RWDD4: variants seen among roughly 807,000 people sequenced by gnomAD.
The protein encoded by RWDD4 is RWD domain containing 4, also known as RWD domain-containing protein 4.
Under a neutral mutation model 30.0 loss-of-function variants are expected in RWDD4, and 16 were observed. The observed-to-expected ratio is 0.53, with a 90% CI of 0.36 to 0.81. The LOEUF (loss-of-function observed/expected upper bound fraction) is 0.81. RWDD4 is among the 30% of genes least tolerant of loss of function. The probability of loss-of-function intolerance (pLI) is 0.00; values close to 1 mark genes in which losing one functional copy is unlikely to be tolerated. For missense variants in RWDD4, 170 were observed against 223.9 expected, an observed-to-expected ratio of 0.76 and a Z score of 1.54; for synonymous variants, 45 against 72.1, an observed-to-expected ratio of 0.62 and a Z score of 1.90.
rs1579119325 is a variant in RWDD4, at chr4:183,639,710, A to G, written c.*1726T>C. Reference sequence around the variant, plus strand: ...AAATTTTAAGTAAACAGACATTGAGAAAATATACTGGGAGTGTTAAACAGA... The same window carrying G: ...AAATTTTAAGTAAACAGACATTGAGGAAATATACTGGGAGTGTTAAACAGA... On this transcript the variant is annotated 3_prime_UTR_variant, in exon 8 of 8. Transcript: ENST00000326397. 6.6e-6 allele frequency: 1 copy of G among 152,622 alleles called. No individual in the cohort carries two copies. The highest frequency in any genetic ancestry group is 1.5e-5 in the Non-Finnish European group (1 of 68,034). The allele number at this position is 152,622 out of a possible 1,614,324, so 9.5% of individuals were successfully genotyped here. A position where few individuals can be genotyped will look rare whatever the true frequency, so the allele number is the denominator to read the frequency against.
At chr4:183,644,784 A>AAAAAGAAAAG (rs59886232) in intron 7 of RWDD4, among the ~76,000 whole-genome samples, 61 of 148,880 alleles carry the variant, frequency 4.1e-4, no homozygotes, top group African/African-American at 6.7e-4. Flanking sequence ...CTTCAAAAAA[A>AAAAAGAAAAG]AAAAGAAAAG....
rs1734305598 is a variant in RWDD4, at chr4:183,659,058, G to A, written c.-106C>T. 1.0e-5 allele frequency: 9 copies of A among 873,066 alleles called. No homozygotes were observed. Among genetic ancestry groups the A allele is most frequent in the Non-Finnish European group, 1.4e-5 (9 of 660,656 alleles). 54.1% of individuals were successfully genotyped at this position (873,066 alleles called of 1,614,324 possible). The stretch of plus-strand genomic sequence containing the variant: ...GGCGTCCCCCTTTCGCGCCTCGGCT[G>A]TGGGGGCGGCACAGTCTTGGCACTG... On this transcript the variant is annotated 5_prime_UTR_variant, in exon 1 of 8. Transcript: ENST00000326397.
chr4:183,645,215 C>T (rs765036996), intron 7 of RWDD4, among the ~76,000 whole-genome samples: 43 of 152,176 alleles, frequency 2.8e-4, no homozygotes, highest in Non-Finnish European at 5.7e-4. Flanking sequence ...CTTTAACTAC[C>T]CTTGCATCCC....
At chr4:183,651,896 T>G (rs557761470) in intron 2 of RWDD4, among the ~76,000 whole-genome samples, 66 of 152,350 alleles carry the variant, frequency 4.3e-4, no homozygotes, top group Admixed American at 1.6e-3. Flanking sequence ...AACTTTTTAT[T>G]TAAACATTTT....
intron 2 of RWDD4, among the ~76,000 whole-genome samples, chr4:183,654,839 G>A (rs1396170094): frequency 6.6e-6 from 1 of 152,188 alleles, no homozygotes; most frequent in African/African-American, 2.4e-5. Flanking sequence ...CATCGATCAT[G>A]CATAAGAATC....
At chr4:183,646,385 T>G in intron 6 of RWDD4, 32 bp from the exon 7 acceptor site, 2 of 1,424,424 alleles carry the variant, frequency 1.4e-6, no homozygotes, top group Non-Finnish European at 2.0e-6. Flanking sequence ...GACATCCCAG[T>G]GAATTCCAAA....
rs771891497 is a variant in RWDD4, at chr4:183,651,280, C to G, written c.153G>C (p.Trp51Cys). 3.1e-6 allele frequency: 5 copies of G among 1,612,592 alleles called. No homozygotes were observed. The highest frequency in any genetic ancestry group is 3.4e-6 in the Non-Finnish European group (4 of 1,179,918). ...DPKAFLIEIS[W>C]TETYPQTPPI... ...GAGGTGTTTGGGGATATGTTTCTGT[C>G]CAGGAAATCTCTATTAAGAAGGCTT... The change falls in exon 3 of 8, where the codon TGG becomes TGC. Residue 51 changes from tryptophan (W) to cysteine (C), a missense_variant. Trp to Cys is a radical substitution (Grantham distance 215, BLOSUM62 -2). Transcript: ENST00000326397.
rs573629896 is a variant in RWDD4, at chr4:183,647,845, T to G, written c.482-1308A>C. On this transcript the variant is annotated intron_variant, in intron 5 of 7. Transcript: ENST00000326397. ...ACAAACCATTACCATTTCAAAAATG[T>G]ATTTTGGAAACAAACACAGAGTTGC... Among the ~76,000 whole-genome samples the G allele has an allele frequency of 2.6e-5, 4 of 152,306 alleles. No homozygotes were observed. In the East Asian group the frequency reaches 5.8e-4, roughly 22 times the overall value.
At chr4:183,647,321 A>C (rs536976207) in intron 5 of RWDD4, among the ~76,000 whole-genome samples, 1 of 152,314 alleles carries the variant, frequency 6.6e-6, no homozygotes, top group Non-Finnish European at 1.5e-5. Context: ...TTTTCCAGCT[A>C]GGGAAAAAGA....
At position 183,646,526 on chromosome 4, in the gene RWDD4, C is replaced by G; in HGVS notation, c.493G>C (p.Glu165Gln). ...KLADKTDHKG[E>Q]LPRGWNWVDV... ...ACCCAGTTCCAGCCTCGAGGAAGTT[C>G]TCCTTTGTGATCTAGAAGATAAAAA... Residue 165 changes from glutamate (E) to glutamine (Q), a missense_variant, in exon 6 of 8, where the codon GAA becomes CAA. Coordinates refer to ENST00000326397, the MANE Select transcript of RWDD4 (RefSeq NM_152682.4). The G allele has an allele frequency of 6.2e-7, 1 of 1,611,736 alleles. No homozygotes were observed. Among genetic ancestry groups the G allele is most frequent in the South Asian group, 1.1e-5 (1 of 90,458 alleles).
intron 7 of RWDD4, among the ~76,000 whole-genome samples, 161 bp from the exon 8 acceptor site, chr4:183,641,629 T>C (rs113055640): frequency 1.3e-5 from 2 of 152,196 alleles, no homozygotes; most frequent in Non-Finnish European, 2.9e-5. Context: ...GCTCAGCTAC[T>C]TCAAACGGGT....
At chr4:183,641,637 G>A (rs1043475238) in intron 7 of RWDD4, among the ~76,000 whole-genome samples, 169 bp from the exon 8 acceptor site, 2 of 152,030 alleles carry the variant, frequency 1.3e-5, no homozygotes, top group Admixed American at 6.6e-5. Context: ...ACTTCAAACG[G>A]GTTTCAAAAT....
At chr4:183,655,097 T>C (rs1360896363) in intron 2 of RWDD4, among the ~76,000 whole-genome samples, 3 of 151,778 alleles carry the variant, frequency 2.0e-5, no homozygotes, top group Admixed American at 2.0e-4. Flanking sequence ...TGCACCATCA[T>C]GCGTGGCTAA....
intron 4 of RWDD4, among the ~76,000 whole-genome samples, chr4:183,650,651 T>C (rs772477796): frequency 2.6e-5 from 4 of 152,232 alleles, no homozygotes; most frequent in African/African-American, 4.8e-5. Flanking sequence ...ATACTTATTT[T>C]AGCACTGCAT....
In RWDD4 at chr4:183,640,649, A is replaced by G. The variant is rs976183595; in HGVS notation, c.*787T>C. Reference sequence around the variant, plus strand: ...GGATTTTATTAAAATCAATGTCTCCAACAATACAAAAACTAAATATTAAGG... The same window carrying G: ...GGATTTTATTAAAATCAATGTCTCCGACAATACAAAAACTAAATATTAAGG... On this transcript the variant is annotated 3_prime_UTR_variant, in exon 8 of 8. Coordinates refer to ENST00000326397, the MANE Select transcript of RWDD4 (RefSeq NM_152682.4). 4.0e-5 allele frequency: 1 copy of G among 25,068 alleles called. No homozygotes were observed. Among genetic ancestry groups the G allele is most frequent in the Non-Finnish European group, 8.0e-5 (1 of 12,504 alleles). 1.6% of individuals were successfully genotyped at this position (25,068 alleles called of 1,614,324 possible).
chr4:183,644,584 C>T (rs899546587), intron 7 of RWDD4, among the ~76,000 whole-genome samples: 1 of 151,790 alleles, frequency 6.6e-6, no homozygotes, highest in Admixed American at 6.6e-5. Context: ...TTTGAGACCA[C>T]CCTGGTCTAC....
intron 2 of RWDD4, among the ~76,000 whole-genome samples, chr4:183,652,757 C>G (rs2111246435): frequency 6.6e-6 from 1 of 151,176 alleles, no homozygotes; most frequent in South Asian, 2.1e-4. Context: ...TTGCAGTGAG[C>G]CGAGATAGTG....
chr4:183,656,292 GCT>G (rs1402866852), intron 1 of RWDD4, among the ~76,000 whole-genome samples: 3 of 152,192 alleles, frequency 2.0e-5, no homozygotes, highest in Non-Finnish European at 4.4e-5. Context: ...CAGAGCAAGC[GCT>G]CTTAGAACTT....
At chr4:183,650,476 A>G (rs1561011754) in intron 4 of RWDD4, among the ~76,000 whole-genome samples, 1 of 152,214 alleles carries the variant, frequency 6.6e-6, no homozygotes, top group Non-Finnish European at 1.5e-5. Context: ...GGCCTCATAC[A>G]CAGATGCTTA....
Sources: allele counts gnomAD v4.1 joint callset (sites outside exome capture counted in the v4.1 genomes callset), GRCh38; gene constraint gnomAD v4.1.1; transcripts MANE v1.5; gene names NCBI Gene and HGNC (gene_info 2026-07-23, HGNC 2026-07-21).